Variants in CA5B observed in about 807,000 individuals in gnomAD.
The protein encoded by CA5B is carbonic anhydrase 5B, also known as carbonic anhydrase 5B, mitochondrial.
A neutral mutation model predicts 23.1 loss-of-function variants in CA5B; 15 were observed. That is an observed-to-expected ratio of 0.65 (90% CI 0.43 to 1.00). CA5B has a LOEUF of 1.00. Among genes scored for constraint, CA5B ranks in the 50% least tolerant of loss-of-function variants. The probability of loss-of-function intolerance (pLI) is 0.00; values close to 1 mark genes in which losing one functional copy is unlikely to be tolerated. For synonymous variants in CA5B, 84 were observed against 98.5 expected (o/e 0.85, Z 0.87); for missense variants, 236 against 252.2 (o/e 0.94, Z 0.43).
At position 15,742,731 on chromosome X, in the gene CA5B, G is replaced by A. The variant is rs143467065; in HGVS notation, c.-54+4379G>A. Among the ~76,000 whole-genome samples the A allele has an allele frequency of 2.5e-3, 278 of 112,487 alleles. 1 individual carries two copies. The highest frequency in any genetic ancestry group is 8.6e-3 in the African/African-American group (266 of 31,016). ...CTGTATGTAAATGTAAAATGTTACT[G>A]CTCTGCTCGGAAACCTCCACTGTCT... On this transcript the variant is annotated intron_variant, in intron 1 of 7. Coordinates refer to ENST00000318636, the MANE Select transcript of CA5B (RefSeq NM_007220.4).
intron 2 of CA5B, among the ~76,000 whole-genome samples, chrX:15,757,846 G>T (rs1179655282): frequency 9.0e-6 from 1 of 111,514 alleles, no homozygotes; most frequent in Admixed American, 9.6e-5. Flanking sequence ...AGGAAAATGA[G>T]ATTAGATAAG....
intron 7 of CA5B, among the ~76,000 whole-genome samples, chrX:15,782,245 C>G (rs1340114619): frequency 8.9e-6 from 1 of 112,031 alleles, no homozygotes; most frequent in Admixed American, 9.5e-5. Context: ...TCCCAAGTGC[C>G]CTCCTGGTTT....
chrX:15,774,598 C>A, intron 5 of CA5B, among the ~76,000 whole-genome samples: 1 of 111,636 alleles, frequency 9.0e-6, no homozygotes, highest in Middle Eastern at 4.6e-3. Flanking sequence ...CTTTGGGAGG[C>A]CGAGGCAGGC....
chrX:15,771,319 C>T (rs1374178737), intron 3 of CA5B, among the ~76,000 whole-genome samples: 1 of 104,470 alleles, frequency 9.6e-6, no homozygotes, highest in Non-Finnish European at 2.0e-5. Flanking sequence ...TGCAGTGAGC[C>T]GACATTGTGC....
At chrX:15,775,392 T>C in intron 6 of CA5B, 84 bp downstream of exon 6, 1 of 1,106,479 alleles carries the variant, frequency 9.0e-7, no homozygotes, top group South Asian at 2.4e-5. Flanking sequence ...CACTTTGAAT[T>C]GGGAAGTTTA....
Position 15,785,912 on chromosome X carries a change from C to T in CA5B, c.*3248C>T, listed in dbSNP as rs1932106405. On this transcript the variant is annotated 3_prime_UTR_variant, in exon 8 of 8. Coordinates refer to ENST00000318636, the MANE Select transcript of CA5B (RefSeq NM_007220.4). ...TTTTGAGACAGAGTCGCGCTGTCAC[C>T]CGGGCTGGAGTGCAGTGGCGCGATC... is the stretch of plus-strand genomic sequence containing the variant. 1 of 110,297 alleles carries T rather than the reference C, an allele frequency of 9.1e-6. No homozygotes were observed. Among genetic ancestry groups the T allele is most frequent in the African/African-American group, 3.3e-5 (1 of 30,278 alleles). 9.1% of individuals were successfully genotyped at this position (110,297 alleles called of 1,213,427 possible). A position where few individuals can be genotyped will look rare whatever the true frequency, so the allele number is the denominator to read the frequency against.
rs954148947 is a variant in CA5B at position 15,776,121 on chromosome X, G to A, written c.619-593G>A. On this transcript the variant is annotated intron_variant, in intron 6 of 7. Transcript: ENST00000318636. ...TGGGAGGCCGAGGCTGGCGGATCAC[G>A]AGGTCAGGAGATCGAGACTGTCCTG... The A allele has an allele frequency of 2.0e-5, 8 of 409,646 alleles. No homozygotes were observed. The East Asian group carries it at 1.6e-3, about 83-fold the overall frequency. 33.8% of individuals were successfully genotyped at this position (409,646 alleles called of 1,213,427 possible). A position where few individuals can be genotyped will look rare whatever the true frequency, so the allele number is the denominator to read the frequency against.
At chrX:15,754,494 C>G (rs759153802) in intron 2 of CA5B, among the ~76,000 whole-genome samples, 7 of 112,718 alleles carry the variant, frequency 6.2e-5, no homozygotes, top group African/African-American at 2.3e-4. Context: ...TGGCTGTCAA[C>G]TCAGATTGCT....
chrX:15,785,006 CG>C lies in CA5B; in HGVS notation c.*2343del, dbSNP rs1207403151. The stretch of plus-strand genomic sequence containing the variant: ...AAAACCACAATGAGATATCGTCTCA[CG>C]CCCATCATGATGGCCACTATCAGAA... On this transcript the variant is annotated 3_prime_UTR_variant, in exon 8 of 8. Transcript: ENST00000318636. 1 of 112,137 alleles carries C rather than the reference CG, an allele frequency of 8.9e-6. No individual in the cohort carries two copies. Among genetic ancestry groups the C allele is most frequent in the Middle Eastern group, 4.2e-3 (1 of 239 alleles). 9.2% of individuals were successfully genotyped at this position (112,137 alleles called of 1,213,427 possible). A position where few individuals can be genotyped will look rare whatever the true frequency, so the allele number is the denominator to read the frequency against.
intron 2 of CA5B, chrX:15,762,859 A>G (rs777941074): frequency 2.7e-6 from 1 of 369,422 alleles, no homozygotes; most frequent in Non-Finnish European, 5.5e-6. Flanking sequence ...ACTGATGTAC[A>G]TTGGTTCTGC....
chrX:15,750,755 G>T (rs766708307), intron 2 of CA5B, among the ~76,000 whole-genome samples: 1 of 112,067 alleles, frequency 8.9e-6, no homozygotes, highest in South Asian at 3.7e-4. Flanking sequence ...ATTGAGTGAG[G>T]CAGGAAATGG....
intron 2 of CA5B, among the ~76,000 whole-genome samples, chrX:15,756,334 T>C (rs1025011642): frequency 8.9e-6 from 1 of 112,408 alleles, no homozygotes; most frequent in Non-Finnish European, 1.9e-5. Context: ...TTAGTACCTC[T>C]TCTGTGCCTT....
intron 2 of CA5B, among the ~76,000 whole-genome samples, chrX:15,757,481 A>G (rs1269728121): frequency 9.0e-6 from 1 of 111,142 alleles, no homozygotes; most frequent in African/African-American, 3.3e-5. Context: ...ACGCCACTGC[A>G]CTCCAGCCTA....
At chrX:15,759,606 A>G (rs1031337210) in intron 2 of CA5B, among the ~76,000 whole-genome samples, 10 of 111,438 alleles carry the variant, frequency 9.0e-5, no homozygotes, top group Admixed American at 2.9e-4. Context: ...GAATGGACTA[A>G]GACAGTGCTA....
chrX:15,752,491 C>T (rs902623457), intron 2 of CA5B, among the ~76,000 whole-genome samples: 30 of 111,539 alleles, frequency 2.7e-4, no homozygotes, highest in African/African-American at 3.9e-4. Context: ...TTTGCGAGGC[C>T]GAGGCGGGCG....
At chrX:15,755,404 G>C (rs1385661083) in intron 2 of CA5B, among the ~76,000 whole-genome samples, 1 of 111,889 alleles carries the variant, frequency 8.9e-6, no homozygotes, top group Non-Finnish European at 1.9e-5. Context: ...AAGGCAATTT[G>C]TGATTCTGCG....
chrX:15,747,140 A>T, intron 1 of CA5B, among the ~76,000 whole-genome samples: 1 of 112,013 alleles, frequency 8.9e-6, no homozygotes, highest in East Asian at 2.8e-4. Flanking sequence ...CCAGGAATGA[A>T]CAAAGACAGC....
chrX:15,751,135 A>G (rs764063238), intron 2 of CA5B, among the ~76,000 whole-genome samples: 14 of 111,723 alleles, frequency 1.3e-4, no homozygotes, highest in African/African-American at 3.9e-4. Context: ...TTAAGGAGGA[A>G]TTTTTCATGT....
rs192356582 is a variant in CA5B, at chrX:15,755,480, G to A, written c.142+5315G>A. On this transcript the variant is annotated intron_variant, in intron 2 of 7. Coordinates refer to ENST00000318636, the MANE Select transcript of CA5B (RefSeq NM_007220.4). ...CACCCATCACTGCATTAAGGCCAAG[G>A]CCTACACGGATATCTTCAGTAACAT... Among the ~76,000 whole-genome samples, 376 of 112,436 alleles carry A rather than the reference G, an allele frequency of 3.3e-3. 3 individuals are homozygous for A. Among genetic ancestry groups the A allele is most frequent in the Non-Finnish European group, 2.9e-3 (154 of 53,293 alleles).
Sources: gnomAD v4.1 joint callset for allele counts (sites outside exome capture counted in the v4.1 genomes callset) on GRCh38, gnomAD v4.1.1 for gene constraint, MANE v1.5 for transcripts, NCBI Gene and HGNC (gene_info 2026-07-23, HGNC 2026-07-21) for gene names.